Variants in OR2C1 observed in about 807,000 individuals in gnomAD.
The protein encoded by OR2C1 is olfactory receptor family 2 subfamily C member 1.
For synonymous variants in OR2C1, 209 were observed against 167.3 expected (o/e 1.25, Z -1.92); for missense variants, 468 against 388.3 (o/e 1.21, Z -1.73).
the OR2C1 span, among the ~76,000 whole-genome samples, chr16:3,325,489 A>C: frequency 4.0e-4 from 53 of 132,996 alleles, 1 homozygote; most frequent in African/African-American, 8.7e-4. Context: ...ATATATATAT[A>C]TATATATATA....
At chr16:3,331,706 C>G in the OR2C1 span, among the ~76,000 whole-genome samples, 1,273 of 152,128 alleles carry the variant, frequency 8.4e-3, 15 homozygotes, top group African/African-American at 0.029. Flanking sequence ...GTAGATTTGA[C>G]CCAGCCATCC....
the OR2C1 span, chr16:3,323,718 T>C: frequency 1.5e-6 from 1 of 688,482 alleles, no homozygotes; most frequent in Non-Finnish European, 2.6e-6. Flanking sequence ...TCTAGTCATC[T>C]GAGACACACC....
chr16:3,325,148 A>T, the OR2C1 span, among the ~76,000 whole-genome samples: 27 of 151,786 alleles, frequency 1.8e-4, no homozygotes, highest in Admixed American at 1.2e-3. Flanking sequence ...GGCCCAGCTA[A>T]TTTTTTTATT....
chr16:3,339,320 T>G, the OR2C1 span, among the ~76,000 whole-genome samples: 1 of 151,976 alleles, frequency 6.6e-6, no homozygotes, highest in Non-Finnish European at 1.5e-5. Flanking sequence ...AGTGTTGCTA[T>G]AAATATGCAT....
the OR2C1 span, among the ~76,000 whole-genome samples, chr16:3,335,929 C>T: frequency 6.6e-6 from 1 of 152,096 alleles, no homozygotes; most frequent in Non-Finnish European, 1.5e-5. Context: ...TGCCTAATTA[C>T]TCTGGTCAGG....
the OR2C1 span, among the ~76,000 whole-genome samples, chr16:3,350,333 G>A: frequency 6.6e-6 from 1 of 151,766 alleles, no homozygotes; most frequent in African/African-American, 2.4e-5. Flanking sequence ...GAGATTACAG[G>A]CGTGAGCCAC....
the OR2C1 span, among the ~76,000 whole-genome samples, chr16:3,335,097 G>T: frequency 2.0e-5 from 3 of 152,318 alleles, no homozygotes; most frequent in Admixed American, 1.3e-4. Context: ...GGGATTACAG[G>T]CGTGAGCCAC....
the OR2C1 span, among the ~76,000 whole-genome samples, chr16:3,345,918 C>A: frequency 1.5e-5 from 2 of 135,894 alleles, no homozygotes; most frequent in Non-Finnish European, 3.1e-5. Context: ...ACTGTAGCCT[C>A]GAGCTCCTGG....
chr16:3,336,281 G>A, the OR2C1 span, among the ~76,000 whole-genome samples: 1 of 152,126 alleles, frequency 6.6e-6, no homozygotes, highest in African/African-American at 2.4e-5. Context: ...TTTTTAATGT[G>A]TTACTGAGTT....
chr16:3,340,679 G>A, the OR2C1 span, among the ~76,000 whole-genome samples: 1 of 152,162 alleles, frequency 6.6e-6, no homozygotes, highest in African/African-American at 2.4e-5. Context: ...AGTTGTCTCA[G>A]CAGCATTTAT....
chr16:3,335,772 T>C, the OR2C1 span, among the ~76,000 whole-genome samples: 134 of 152,320 alleles, frequency 8.8e-4, 3 homozygotes, highest in East Asian at 0.017. Flanking sequence ...ATTTTGTATC[T>C]ACCAACTTTA....
At chr16:3,330,362 C>T in the OR2C1 span, among the ~76,000 whole-genome samples, 2 of 151,626 alleles carry the variant, frequency 1.3e-5, no homozygotes, top group Non-Finnish European at 2.9e-5. Context: ...GTGATCCACC[C>T]GCCTCAGCCT....
the OR2C1 span, among the ~76,000 whole-genome samples, chr16:3,340,229 A>C: frequency 1.3e-5 from 2 of 152,112 alleles, no homozygotes; most frequent in Non-Finnish European, 2.9e-5. Flanking sequence ...CAGTGAGCCA[A>C]GATCACACCA....
At chr16:3,329,885 G>T in the OR2C1 span, among the ~76,000 whole-genome samples, 1 of 149,812 alleles carries the variant, frequency 6.7e-6, no homozygotes, top group African/African-American at 2.5e-5. Context: ...CTCCTGAGTA[G>T]CTGGGATTAC....
chr16:3,329,726 G>A, the OR2C1 span, among the ~76,000 whole-genome samples: 1 of 145,620 alleles, frequency 6.9e-6, no homozygotes, highest in Non-Finnish European at 1.5e-5. Flanking sequence ...TGGGATTACA[G>A]GCGTGAGCCA....
chr16:3,331,214 G>A, the OR2C1 span, among the ~76,000 whole-genome samples: 4 of 152,222 alleles, frequency 2.6e-5, no homozygotes, highest in East Asian at 1.9e-4. Flanking sequence ...TATGTCCTTC[G>A]CCCACTTTTT....
chr16:3,326,590 A>T, the OR2C1 span, among the ~76,000 whole-genome samples: 1 of 152,044 alleles, frequency 6.6e-6, no homozygotes, highest in East Asian at 1.9e-4. Context: ...GTCAATCCTG[A>T]TTCCATTTGG....
chr16:3,329,027 C>A, the OR2C1 span, among the ~76,000 whole-genome samples: 3 of 151,832 alleles, frequency 2.0e-5, no homozygotes, highest in Admixed American at 1.3e-4. Flanking sequence ...CAGGGTCTCA[C>A]TTTGTCACCC....
At chr16:3,330,396 G>A in the OR2C1 span, among the ~76,000 whole-genome samples, 2 of 152,142 alleles carry the variant, frequency 1.3e-5, no homozygotes, top group Non-Finnish European at 2.9e-5. Flanking sequence ...GATTACAGAT[G>A]TGAGCCACCA....
Sources: gnomAD v4.1 joint callset for allele counts (sites outside exome capture counted in the v4.1 genomes callset) on GRCh38, gnomAD v4.1.1 for gene constraint, MANE v1.5 for transcripts, NCBI Gene and HGNC (gene_info 2026-07-23, HGNC 2026-07-21) for gene names.